The following ARF4 variants were observed in gnomAD, a reference collection of about 807,000 sequenced individuals.
ARF4 encodes ARF GTPase 4, also known as ADP-ribosylation factor 4.
Under a neutral mutation model 24.3 loss-of-function variants are expected in ARF4, and 5 were observed. The ratio of observed to expected loss-of-function variants is 0.21; its 90% CI spans 0.11 to 0.43. ARF4 has a LOEUF of 0.43. ARF4 is among the 20% of genes least tolerant of loss of function. ARF4 has a pLI of 1.00. For missense variants in ARF4, 107 were observed against 213.0 expected, an observed-to-expected ratio of 0.50 and a Z score of 3.10; for synonymous variants, 62 against 73.5, an observed-to-expected ratio of 0.84 and a Z score of 0.80.
intron 3 of ARF4, 133 bp from the exon 4 acceptor site, chr3:57,577,520 C>A: frequency 1.5e-6 from 1 of 671,518 alleles, no homozygotes; most frequent in Non-Finnish European, 2.6e-6. Context: ...GAACTTAAGG[C>A]TGTAATGCTA....
At chr3:57,574,836 A>G (rs2069883616) in intron 5 of ARF4, among the ~76,000 whole-genome samples, 1 of 151,850 alleles carries the variant, frequency 6.6e-6, no homozygotes, top group Admixed American at 6.6e-5. Flanking sequence ...CTAGCAACAA[A>G]GCGAGACCCC....
At chr3:57,590,039 G>C (rs770897504) in intron 1 of ARF4, among the ~76,000 whole-genome samples, 1 of 146,674 alleles carries the variant, frequency 6.8e-6, no homozygotes, top group Admixed American at 6.8e-5. Context: ...GCAGTGAGTC[G>C]AGATCATGCC....
Position 57,597,177 on chromosome 3 carries a change from G to T in ARF4, c.-37C>A. On this transcript the variant is annotated 5_prime_UTR_variant, in exon 1 of 6. Transcript: ENST00000303436. ...CACTTGTGATGGGCAGAAGCAGAAG[G>T]GGTTTGGGGCGACCCCGTGCTTTCT... 3 of 1,590,472 alleles carry T rather than the reference G, an allele frequency of 1.9e-6. No individual in the cohort carries two copies. Among genetic ancestry groups the T allele is most frequent in the East Asian group, 2.2e-5 (1 of 44,692 alleles).
chr3:57,577,412 T>G lies in ARF4; in HGVS notation c.259-25A>C, dbSNP rs556802192. ...CCTGGGGAAAAATTGTTTCAGTAAATTTTAACAGTTAAACGACACTCTCTA... is the reference window on the plus strand; with the variant it reads ...CCTGGGGAAAAATTGTTTCAGTAAAGTTTAACAGTTAAACGACACTCTCTA... On this transcript the variant is annotated intron_variant, in intron 3 of 5. Transcript: ENST00000303436. 10 of 1,590,348 alleles carry G rather than the reference T, an allele frequency of 6.3e-6. No homozygotes were observed. In the South Asian group the frequency reaches 1.1e-4, roughly 18 times the overall value.
chr3:57,580,657 G>A (rs1297907820), intron 3 of ARF4, among the ~76,000 whole-genome samples: 3 of 151,958 alleles, frequency 2.0e-5, no homozygotes, highest in Non-Finnish European at 4.4e-5. Context: ...GCCTCCCAAA[G>A]TGTTGGTGTT....
intron 5 of ARF4, among the ~76,000 whole-genome samples, chr3:57,574,096 T>C (rs2069874876): frequency 6.6e-6 from 1 of 152,024 alleles, no homozygotes; most frequent in African/African-American, 2.4e-5. Flanking sequence ...TGCCTGCCAC[T>C]GCACCTAATT....
At chr3:57,575,915 A>C (rs2153408447) in intron 4 of ARF4, among the ~76,000 whole-genome samples, 1 of 152,274 alleles carries the variant, frequency 6.6e-6, no homozygotes, top group South Asian at 2.1e-4. Flanking sequence ...ACACCCCATT[A>C]AATTAAAGCA....
chr3:57,587,594 T>A (rs562025714), intron 1 of ARF4, among the ~76,000 whole-genome samples: 49 of 152,250 alleles, frequency 3.2e-4, no homozygotes, highest in African/African-American at 1.1e-3. Context: ...AGATTTTTTT[T>A]AATTAAAATG....
chr3:57,595,893 G>T (rs960380576), intron 1 of ARF4, among the ~76,000 whole-genome samples: 1 of 151,936 alleles, frequency 6.6e-6, no homozygotes, highest in African/African-American at 2.4e-5. Context: ...GGAGGTTGCA[G>T]TGAGCCGAGA....
intron 5 of ARF4, among the ~76,000 whole-genome samples, chr3:57,573,019 A>AGG (rs2069858783): frequency 1.3e-5 from 2 of 151,840 alleles, no homozygotes; most frequent in South Asian, 4.2e-4. Flanking sequence ...TGGCTAACGC[A>AGG]GTGAAACCCT....
At chr3:57,589,019 T>C (rs1040037518) in intron 1 of ARF4, among the ~76,000 whole-genome samples, 1 of 151,916 alleles carries the variant, frequency 6.6e-6, no homozygotes, top group African/African-American at 2.4e-5. Flanking sequence ...GGAGAATTGC[T>C]TGAACCTGAG....
chr3:57,575,271 A>G (rs1423820807), intron 5 of ARF4, among the ~76,000 whole-genome samples: 13 of 151,156 alleles, frequency 8.6e-5, no homozygotes, highest in African/African-American at 2.7e-4. Flanking sequence ...AAGACTATCA[A>G]TAATCTTCTT....
chr3:57,578,623 G>A (rs2069933961), intron 3 of ARF4, among the ~76,000 whole-genome samples: 2 of 152,010 alleles, frequency 1.3e-5, no homozygotes, highest in Non-Finnish European at 2.9e-5. Flanking sequence ...GGGACTACAG[G>A]TGCGTGCCAC....
intron 3 of ARF4, among the ~76,000 whole-genome samples, 163 bp from the exon 4 acceptor site, chr3:57,577,550 T>C (rs1671596598): frequency 6.6e-6 from 1 of 152,350 alleles, no homozygotes; most frequent in South Asian, 2.1e-4. Context: ...TTGAGAACTA[T>C]TTGTAAGTTT....
intron 1 of ARF4, among the ~76,000 whole-genome samples, chr3:57,595,525 T>C (rs1015709802): frequency 2.0e-5 from 3 of 152,192 alleles, no homozygotes; most frequent in Non-Finnish European, 2.9e-5. Context: ...TCATAAACAA[T>C]TGATTCACAA....
intron 3 of ARF4, among the ~76,000 whole-genome samples, chr3:57,578,850 G>C (rs1425385839): frequency 6.7e-6 from 1 of 150,090 alleles, no homozygotes; most frequent in Non-Finnish European, 1.5e-5. Context: ...GTTTTTCTAA[G>C]AACTTTCAAA....
intron 1 of ARF4, among the ~76,000 whole-genome samples, chr3:57,593,444 A>C (rs1379862198): frequency 6.6e-6 from 1 of 152,220 alleles, no homozygotes; most frequent in East Asian, 1.9e-4. Flanking sequence ...TATTTTTTAA[A>C]GTGACAAATA....
Position 57,597,186 on chromosome 3 carries a change from G to T in ARF4, c.-46C>A. 6.4e-7 allele frequency: 1 copy of T among 1,557,394 alleles called. No homozygotes were observed. The highest frequency in any genetic ancestry group is 8.8e-7 in the Non-Finnish European group (1 of 1,131,354). On this transcript the variant is annotated 5_prime_UTR_variant, in exon 1 of 6. Coordinates refer to ENST00000303436, the MANE Select transcript of ARF4 (RefSeq NM_001660.4). ...TGGGCAGAAGCAGAAGGGGTTTGGGGCGACCCCGTGCTTTCTCCTTTCAAG... is the reference window on the plus strand; with the variant it reads ...TGGGCAGAAGCAGAAGGGGTTTGGGTCGACCCCGTGCTTTCTCCTTTCAAG...
chr3:57,588,725 G>A (rs1575786808), intron 1 of ARF4, among the ~76,000 whole-genome samples: 1 of 140,770 alleles, frequency 7.1e-6, no homozygotes, highest in East Asian at 2.1e-4. Flanking sequence ...GGGAGGCTGA[G>A]GCAGGTGGAT....
Sources: allele counts gnomAD v4.1 joint callset (sites outside exome capture counted in the v4.1 genomes callset), GRCh38; gene constraint gnomAD v4.1.1; transcripts MANE v1.5; gene names NCBI Gene and HGNC (gene_info 2026-07-23, HGNC 2026-07-21).